Variants in PLEKHD1 observed in about 807,000 individuals in gnomAD.
The protein encoded by PLEKHD1 is pleckstrin homology and coiled-coil domain containing D1.
In PLEKHD1, 51 loss-of-function variants were observed where a neutral mutation model predicts 69.2. The observed-to-expected ratio is 0.74, with a 90% confidence interval of 0.59 to 0.93. The LOEUF is 0.93. PLEKHD1 is among the 40% of genes least tolerant of loss of function. The probability of loss-of-function intolerance (pLI) is 0.00; values close to 1 mark genes in which losing one functional copy is unlikely to be tolerated. For synonymous variants in PLEKHD1, 236 were observed against 244.7 expected, an observed-to-expected ratio of 0.96 and a Z score of 0.33; for missense variants, 584 against 641.0, an observed-to-expected ratio of 0.91 and a Z score of 0.96.
intron 10 of PLEKHD1, among the ~76,000 whole-genome samples, 162 bp from the exon 11 acceptor site, chr14:69,527,026 C>T (rs1739706523): frequency 6.6e-6 from 1 of 152,212 alleles, no homozygotes; most frequent in Admixed American, 6.5e-5. Context: ...GTGCAGGTGC[C>T]AAGTCCAGTC....
chr14:69,487,083 C>A (rs1002572729), intron 1 of PLEKHD1, among the ~76,000 whole-genome samples: 2 of 152,068 alleles, frequency 1.3e-5, no homozygotes, highest in African/African-American at 4.8e-5. Flanking sequence ...GTAGGAATTT[C>A]AGAGCTGCCA....
chr14:69,481,643 G>C (rs755053695), upstream of PLEKHD1, among the ~76,000 whole-genome samples: 34 of 152,178 alleles, frequency 2.2e-4, no homozygotes, highest in Non-Finnish European at 4.1e-4. Flanking sequence ...CTAGCTATGT[G>C]ACTTACGTAG....
At chr14:69,496,579 C>A (rs1882892531) in intron 1 of PLEKHD1, among the ~76,000 whole-genome samples, 1 of 152,084 alleles carries the variant, frequency 6.6e-6, no homozygotes, top group Non-Finnish European at 1.5e-5. Context: ...AGGCTGGAGG[C>A]CACCCTGGAG....
At chr14:69,473,435 C>G in the PLEKHD1 span, among the ~76,000 whole-genome samples, 7 of 151,784 alleles carry the variant, frequency 4.6e-5, no homozygotes, top group African/African-American at 1.5e-4. Context: ...CTCTGCCTCA[C>G]TTGGTGAGGG....
In PLEKHD1 at chr14:69,528,573, C is replaced by T. The variant is rs767248830; in HGVS notation, c.*154C>T. The T allele has an allele frequency of 2.8e-4, 301 of 1,064,006 alleles. No homozygotes were observed. The highest frequency in any genetic ancestry group is 3.7e-4 in the Non-Finnish European group (279 of 760,244). 65.9% of individuals were successfully genotyped at this position (1,064,006 alleles called of 1,614,324 possible). A position where few individuals can be genotyped will look rare whatever the true frequency, so the allele number is the denominator to read the frequency against. On this transcript the variant is annotated 3_prime_UTR_variant, in exon 13 of 13. Coordinates refer to ENST00000322564, the MANE Select transcript of PLEKHD1 (RefSeq NM_001161498.2). ...GAGCTCCACTTGGGGGCCAGCCTTGCCCTCAAAGGACATGGACGCTGCCTT... is the reference window on the plus strand; with the variant it reads ...GAGCTCCACTTGGGGGCCAGCCTTGTCCTCAAAGGACATGGACGCTGCCTT...
intron 6 of PLEKHD1, among the ~76,000 whole-genome samples, chr14:69,515,237 G>A (rs1204943100): frequency 6.6e-6 from 1 of 152,154 alleles, no homozygotes; most frequent in African/African-American, 2.4e-5. Context: ...ACAGAATGCT[G>A]TGTTGCATTT....
At position 69,528,645 on chromosome 14, in the gene PLEKHD1, T is replaced by C; in HGVS notation, c.*226T>C. The stretch of plus-strand genomic sequence containing the variant: ...CACCTTTGGGTCCACACCAGGGCCA[T>C]GCAGGCCTGAGCTGGGTGCTGGTTG... On this transcript the variant is annotated 3_prime_UTR_variant, in exon 13 of 13. Coordinates refer to ENST00000322564, the MANE Select transcript of PLEKHD1 (RefSeq NM_001161498.2). 3 of 607,228 alleles carry C rather than the reference T, an allele frequency of 4.9e-6. No individual in the cohort carries two copies. Among genetic ancestry groups the C allele is most frequent in the Non-Finnish European group, 8.5e-6 (3 of 351,744 alleles). The allele number at this position is 607,228 out of a possible 1,614,324, so 37.6% of individuals were successfully genotyped here.
At chr14:69,472,516 A>G in the PLEKHD1 span, among the ~76,000 whole-genome samples, 3 of 152,246 alleles carry the variant, frequency 2.0e-5, no homozygotes, top group Admixed American at 2.0e-4. Flanking sequence ...TGCTTTATAA[A>G]GCAGCCATGC....
intron 1 of PLEKHD1, among the ~76,000 whole-genome samples, chr14:69,495,660 C>A (rs1339175600): frequency 6.6e-6 from 1 of 152,224 alleles, no homozygotes. Context: ...TGCAATCTGG[C>A]CCAACTGCCG....
At chr14:69,470,370 TGAGAATTGCTTGAACCCGGGAGGCAGA>T in the PLEKHD1 span, among the ~76,000 whole-genome samples, 1 of 150,852 alleles carries the variant, frequency 6.6e-6, no homozygotes, top group Non-Finnish European at 1.5e-5. Context: ...TACTGAGGCA[TGAGAATTGCTTGAACCCGGGAGGCAGA>T]GGTTGTGGTG....
chr14:69,492,922 A>G (rs1882808546), intron 1 of PLEKHD1, among the ~76,000 whole-genome samples: 1 of 152,086 alleles, frequency 6.6e-6, no homozygotes, highest in African/African-American at 2.4e-5. Flanking sequence ...GGCACGAGCT[A>G]CCATACCCAG....
intron 6 of PLEKHD1, chr14:69,503,114 G>A (rs1883067679): frequency 1.9e-6 from 1 of 532,820 alleles, no homozygotes; most frequent in African/African-American, 1.9e-5. Context: ...GGTGGGTGAT[G>A]ACCTTCTAGA....
intron 5 of PLEKHD1, chr14:69,502,444 GC>G: frequency 3.8e-6 from 1 of 265,194 alleles, no homozygotes; most frequent in Non-Finnish European, 7.3e-6. Context: ...GACACTTGGG[GC>G]CCCAGCACTT....
At chr14:69,514,834 T>G (rs1883348276) in intron 6 of PLEKHD1, among the ~76,000 whole-genome samples, 1 of 152,140 alleles carries the variant, frequency 6.6e-6, no homozygotes, top group African/African-American at 2.4e-5. Context: ...GAATTTGGTA[T>G]TTCCCTTCCC....
In PLEKHD1 at chr14:69,526,099, G is replaced by A. The variant is rs1300100999; in HGVS notation, c.900G>A (p.Glu300=). The change falls in exon 9 of 13, where the codon GAG becomes GAA. Residue 300 remains glutamate (E), a synonymous_variant. Coordinates refer to ENST00000322564, the MANE Select transcript of PLEKHD1 (RefSeq NM_001161498.2). ...AGGAGAAGATGCAGCAGCTCTTAGA[G>A]GAGAAGCTCCTGGCAGAGAAGCGGT... is the stretch of plus-strand genomic sequence containing the variant. The part of the protein sequence containing the change: ...QIEEKMQQLL[E]EKLLAEKRMK... 6.4e-7 allele frequency: 1 copy of A among 1,550,974 alleles called. No homozygotes were observed. Among genetic ancestry groups the A allele is most frequent in the Non-Finnish European group, 8.7e-7 (1 of 1,146,794 alleles).
intron 1 of PLEKHD1, among the ~76,000 whole-genome samples, chr14:69,493,892 C>T (rs1390428082): frequency 6.6e-6 from 1 of 152,208 alleles, no homozygotes; most frequent in East Asian, 1.9e-4. Flanking sequence ...AAAGCTTCTC[C>T]CAGGATTGAT....
chr14:69,528,073 G>A, intron 12 of PLEKHD1, 141 bp downstream of exon 12: 2 of 1,458,412 alleles, frequency 1.4e-6, no homozygotes, highest in Non-Finnish European at 1.8e-6. Flanking sequence ...GGGCAAACGG[G>A]TGAATTCTCA....
At chr14:69,522,054 A>T (rs1259335342) in intron 6 of PLEKHD1, among the ~76,000 whole-genome samples, 3 of 152,228 alleles carry the variant, frequency 2.0e-5, no homozygotes, top group African/African-American at 4.8e-5. Context: ...AGTCTTCAGC[A>T]TGCAAAATGT....
chr14:69,527,249 G>C lies in PLEKHD1; in HGVS notation c.1118G>C (p.Arg373Pro), dbSNP rs770677901. The C allele has an allele frequency of 3.9e-6, 6 of 1,551,734 alleles. No homozygotes were observed. The South Asian group carries it at 7.1e-5, about 18-fold the overall frequency. Residue 373 changes from arginine (R) to proline (P), a missense_variant, in exon 11 of 13, where the codon CGA (arginine) becomes CCA (proline). By Grantham distance (103) the Arg-to-Pro change is moderately radical (BLOSUM62 -2). Transcript: ENST00000322564. The stretch of plus-strand genomic sequence containing the variant: ...CTCCGGGAGGCAGAAGGGGCCTTGC[G>C]AAGCCTGGAACAGGGGCTGAATTCC... ...RRLREAEGAL[R>P]SLEQGLNSKV...
Sources: gnomAD v4.1 joint callset for allele counts (sites outside exome capture counted in the v4.1 genomes callset) on GRCh38, gnomAD v4.1.1 for gene constraint, MANE v1.5 for transcripts, NCBI Gene and HGNC (gene_info 2026-07-23, HGNC 2026-07-21) for gene names.